The following MACROD2 variants were observed in gnomAD, a reference collection of about 807,000 sequenced individuals.
MACROD2 encodes the protein mono-ADP ribosylhydrolase 2, also known as ADP-ribose glycohydrolase MACROD2.
A neutral mutation model predicts 70.4 loss-of-function variants in MACROD2; 36 were observed. The ratio of observed to expected loss-of-function variants is 0.51; its 90% CI spans 0.39 to 0.68. The LOEUF (loss-of-function observed/expected upper bound fraction) is 0.68. Ranked by LOEUF, MACROD2 falls within the 30% of genes least tolerant of loss-of-function variation. MACROD2 has a pLI of 0.00. For missense variants in MACROD2, 496 were observed against 538.4 expected, an observed-to-expected ratio of 0.92 and a Z score of 0.78; for synonymous variants, 172 against 178.8, an observed-to-expected ratio of 0.96 and a Z score of 0.30.
chr20:15,623,679 C>CCTATCTAT (rs3071265), intron 8 of MACROD2, among the ~76,000 whole-genome samples: 19,787 of 148,120 alleles, frequency 0.13, 1,412 homozygotes, highest in African/African-American at 0.15. Context: ...AAGTTATCTG[C>CCTATCTAT]CTATCTATCT....
intron 3 of MACROD2, among the ~76,000 whole-genome samples, chr20:14,212,535 A>G (rs529307553): frequency 1.4e-4 from 21 of 152,122 alleles, no homozygotes; most frequent in Non-Finnish European, 2.6e-4. Flanking sequence ...TTCAACAGGA[A>G]TAAATTCAGC....
At chr20:14,488,602 C>G (rs915261140) in intron 3 of MACROD2, among the ~76,000 whole-genome samples, 6 of 152,260 alleles carry the variant, frequency 3.9e-5, no homozygotes, top group South Asian at 2.1e-4. Flanking sequence ...AATACACACA[C>G]AGAGACACAT....
intron 5 of MACROD2, among the ~76,000 whole-genome samples, chr20:15,060,738 C>T (rs2075526018): frequency 6.6e-6 from 1 of 152,196 alleles, no homozygotes; most frequent in Non-Finnish European, 1.5e-5. Flanking sequence ...ACAAAGCTGC[C>T]ATCAAAGTGT....
At chr20:15,837,747 T>A (rs1342840342) in intron 8 of MACROD2, among the ~76,000 whole-genome samples, 1 of 152,160 alleles carries the variant, frequency 6.6e-6, no homozygotes, top group Non-Finnish European at 1.5e-5. Context: ...CACCTTAGGT[T>A]CCTCTTGGTT....
intron 5 of MACROD2, among the ~76,000 whole-genome samples, chr20:15,062,125 A>T (rs553152445): frequency 2.9e-4 from 44 of 152,262 alleles, no homozygotes; most frequent in African/African-American, 9.9e-4. Context: ...GAGTGCTTCT[A>T]GTGGAAAGGA....
At chr20:14,468,865 C>T (rs372791864) in intron 3 of MACROD2, among the ~76,000 whole-genome samples, 12 of 152,126 alleles carry the variant, frequency 7.9e-5, no homozygotes, top group East Asian at 5.8e-4. Context: ...TACAGCACCC[C>T]GATGGGTCTT....
At chr20:14,441,142 TA>T (rs2034595082) in intron 3 of MACROD2, among the ~76,000 whole-genome samples, 1 of 152,228 alleles carries the variant, frequency 6.6e-6, no homozygotes, top group African/African-American at 2.4e-5. Context: ...TAGAATGTGA[TA>T]GAAGTAATTT....
At chr20:14,628,408 A>G (rs748427766) in intron 4 of MACROD2, among the ~76,000 whole-genome samples, 5 of 152,174 alleles carry the variant, frequency 3.3e-5, no homozygotes, top group Non-Finnish European at 7.4e-5. Context: ...AAATAAAATA[A>G]TGGAATCCTG....
In MACROD2 at chr20:15,164,433, T is replaced by G. The variant is rs141063736; in HGVS notation, c.419-65507T>G. Reference sequence around the variant, plus strand: ...AACCCCACAAAGACAGGAACAACTGTAATTTATTGGTTAAAAATCATAATA... The same window carrying G: ...AACCCCACAAAGACAGGAACAACTGGAATTTATTGGTTAAAAATCATAATA... On this transcript the variant is annotated intron_variant, in intron 5 of 17. Coordinates refer to ENST00000684519, the MANE Select transcript of MACROD2 (RefSeq NM_001351661.2). Among the ~76,000 whole-genome samples, 397 of 152,276 alleles carry G rather than the reference T, an allele frequency of 2.6e-3. 1 individual carries two copies. The highest frequency in any genetic ancestry group is 8.4e-3 in the African/African-American group (348 of 41,554).
chr20:14,541,380 G>A (rs1181551395), intron 4 of MACROD2, among the ~76,000 whole-genome samples: 1 of 152,020 alleles, frequency 6.6e-6, no homozygotes, highest in African/African-American at 2.4e-5. Context: ...TCCCTTCAGA[G>A]TCCATCTTGT....
chr20:15,334,742 A>G (rs2078030431), intron 6 of MACROD2, among the ~76,000 whole-genome samples: 1 of 151,704 alleles, frequency 6.6e-6, no homozygotes, highest in African/African-American at 2.4e-5. Context: ...GATTATTGCA[A>G]TGTATATTAT....
In MACROD2 at chr20:15,335,020, G is replaced by C. The variant is rs113510135; in HGVS notation, c.541-96385G>C. Among the ~76,000 whole-genome samples, 3 of 151,790 alleles carry C rather than the reference G, an allele frequency of 2.0e-5. No individual in the cohort carries two copies. The South Asian group carries it at 6.2e-4, about 31-fold the overall frequency. ...TATGACAATCATCACAGTAGGCTGT[G>C]TTAGAAATTTCTAAAGCTGGGAAAG... On this transcript the variant is annotated intron_variant, in intron 6 of 17. Coordinates refer to ENST00000684519, the MANE Select transcript of MACROD2 (RefSeq NM_001351661.2).
At chr20:14,049,069 G>T (rs7265885) in intron 2 of MACROD2, among the ~76,000 whole-genome samples, 24,169 of 151,232 alleles carry the variant, frequency 0.16, 1,959 homozygotes, top group East Asian at 0.21. Context: ...CAAAATACAG[G>T]CTGAAATACG....
chr20:15,714,867 T>C (rs1350031541), intron 8 of MACROD2, among the ~76,000 whole-genome samples: 11 of 152,166 alleles, frequency 7.2e-5, no homozygotes, highest in Non-Finnish European at 1.6e-4. Flanking sequence ...ATATACTGTG[T>C]GTGTACAAGT....
chr20:14,917,659 G>A (rs555571468), intron 5 of MACROD2, among the ~76,000 whole-genome samples: 1 of 152,186 alleles, frequency 6.6e-6, no homozygotes, highest in South Asian at 2.1e-4. Flanking sequence ...ATAACATTGA[G>A]AATAGGAAGC....
chr20:14,760,699 C>T (rs904229580), intron 5 of MACROD2, among the ~76,000 whole-genome samples: 1 of 152,072 alleles, frequency 6.6e-6, no homozygotes, highest in Non-Finnish European at 1.5e-5. Flanking sequence ...TCTGCTATCC[C>T]TCCCAGAAAG....
chr20:15,204,598 T>C (rs542943630), intron 5 of MACROD2, among the ~76,000 whole-genome samples: 2 of 152,272 alleles, frequency 1.3e-5, no homozygotes, highest in South Asian at 4.1e-4. Flanking sequence ...CTGAAACTAA[T>C]TTTAAAATGC....
At chr20:15,671,721 C>T (rs2049982273) in intron 8 of MACROD2, among the ~76,000 whole-genome samples, 1 of 152,168 alleles carries the variant, frequency 6.6e-6, no homozygotes, top group Admixed American at 6.5e-5. Context: ...AACACAACAC[C>T]TTGTGGATCA....
intron 5 of MACROD2, among the ~76,000 whole-genome samples, chr20:15,022,183 A>C (rs990649534): frequency 2.0e-5 from 3 of 152,076 alleles, no homozygotes; most frequent in African/African-American, 7.3e-5. Flanking sequence ...AGCAATTATG[A>C]AGCTATTATT....
Sources: allele counts gnomAD v4.1 joint callset (sites outside exome capture counted in the v4.1 genomes callset), GRCh38; gene constraint gnomAD v4.1.1; transcripts MANE v1.5; gene names NCBI Gene and HGNC (gene_info 2026-07-23, HGNC 2026-07-21).